The following CAMK1D variants were observed in gnomAD, a reference collection of about 807,000 sequenced individuals.
The protein encoded by CAMK1D is calcium/calmodulin-dependent protein kinase type 1D.
CAMK1D carries 9 observed loss-of-function variants against 47.7 expected under a neutral mutation model. The ratio of observed to expected loss-of-function variants is 0.19; its 90% CI spans 0.11 to 0.33. The LOEUF (loss-of-function observed/expected upper bound fraction) is 0.33. CAMK1D is among the 10% of genes least tolerant of loss of function. The pLI is 1.00. For missense variants in CAMK1D, 291 were observed against 488.7 expected (o/e 0.60, Z 3.81); for synonymous variants, 184 against 184.9 (o/e 0.99, Z 0.04).
At chr10:12,671,874 T>A (rs1035637020) in intron 3 of CAMK1D, among the ~76,000 whole-genome samples, 5 of 151,656 alleles carry the variant, frequency 3.3e-5, no homozygotes, top group African/African-American at 1.2e-4. Flanking sequence ...TTGTTGCTTA[T>A]GTTTTTGGTG....
intron 1 of CAMK1D, among the ~76,000 whole-genome samples, chr10:12,546,160 G>A (rs1162049073): frequency 6.6e-6 from 1 of 152,192 alleles, no homozygotes; most frequent in Admixed American, 6.5e-5. Context: ...CTTATTTCCA[G>A]AAGAGTAATT....
At chr10:12,439,087 G>A (rs573259956) in intron 1 of CAMK1D, among the ~76,000 whole-genome samples, 16 of 152,310 alleles carry the variant, frequency 1.1e-4, no homozygotes, top group African/African-American at 3.8e-4. Context: ...GGGTAGGACA[G>A]ACATCAGGCA....
chr10:12,502,250 G>T (rs79423964), intron 1 of CAMK1D, among the ~76,000 whole-genome samples: 1 of 152,284 alleles, frequency 6.6e-6, no homozygotes, highest in East Asian at 1.9e-4. Context: ...GGTATTCAAT[G>T]GTGCTGGGCA....
At chr10:12,600,817 A>G (rs1390946254) in intron 2 of CAMK1D, among the ~76,000 whole-genome samples, 1 of 152,150 alleles carries the variant, frequency 6.6e-6, no homozygotes, top group Non-Finnish European at 1.5e-5. Flanking sequence ...GTGTTACTCC[A>G]TTCTGTATGT....
At chr10:12,597,983 A>G (rs1005410401) in intron 2 of CAMK1D, among the ~76,000 whole-genome samples, 10 of 151,754 alleles carry the variant, frequency 6.6e-5, no homozygotes, top group African/African-American at 2.4e-4. Context: ...TAAGGAAAAA[A>G]CAACATGCAC....
intron 1 of CAMK1D, among the ~76,000 whole-genome samples, chr10:12,539,151 A>G (rs553464569): frequency 1.3e-5 from 2 of 152,172 alleles, no homozygotes; most frequent in African/African-American, 2.4e-5. Flanking sequence ...TGCTATTTCA[A>G]ACTTTTATTG....
intron 3 of CAMK1D, among the ~76,000 whole-genome samples, chr10:12,743,631 C>T (rs1467371613): frequency 6.6e-6 from 1 of 152,178 alleles, no homozygotes; most frequent in Non-Finnish European, 1.5e-5. Context: ...ACATTCCTAC[C>T]ACCCCCAAAA....
intron 2 of CAMK1D, among the ~76,000 whole-genome samples, chr10:12,642,680 C>CT (rs922760666): frequency 2.0e-4 from 30 of 151,998 alleles, no homozygotes; most frequent in African/African-American, 5.6e-4. Flanking sequence ...ATACTGATTT[C>CT]TTTTTTTTCA....
intron 3 of CAMK1D, among the ~76,000 whole-genome samples, chr10:12,701,551 C>G (rs937997987): frequency 5.9e-5 from 9 of 152,212 alleles, no homozygotes; most frequent in Admixed American, 3.3e-4. Context: ...TCTTTCAGTT[C>G]GATTTTGTTT....
chr10:12,610,431 C>G (rs926910512), intron 2 of CAMK1D, among the ~76,000 whole-genome samples: 2 of 152,190 alleles, frequency 1.3e-5, no homozygotes, highest in Non-Finnish European at 1.5e-5. Context: ...GTCTCCTCCC[C>G]CTTCTCAGCA....
rs535259142 is a variant in CAMK1D at position 12,416,768 on chromosome 10, C to T, written c.92+66858C>T. 1.5e-4 allele frequency among the ~76,000 whole-genome samples: 23 copies of T among 152,302 alleles called. No homozygotes were observed. The South Asian group carries it at 2.9e-3, about 19-fold the overall frequency. ...CAGCAAGAGTGAAGTTCTGTTTTTC[C>T]GGTGGGTTCTGCCCTTTCCTTATCA... On this transcript the variant is annotated intron_variant, in intron 1 of 10. Coordinates refer to ENST00000619168, the MANE Select transcript of CAMK1D (RefSeq NM_153498.4).
intron 3 of CAMK1D, among the ~76,000 whole-genome samples, chr10:12,672,639 G>A (rs1363011067): frequency 1.3e-5 from 2 of 152,010 alleles, no homozygotes; most frequent in Non-Finnish European, 2.9e-5. Context: ...CCAAGGTGCT[G>A]GGATTACAGA....
At chr10:12,611,919 GC>G (rs1564444267) in intron 2 of CAMK1D, among the ~76,000 whole-genome samples, 1 of 151,948 alleles carries the variant, frequency 6.6e-6, no homozygotes, top group Non-Finnish European at 1.5e-5. Context: ...TTTTCTTTTT[GC>G]CCCAGGTTAT....
At chr10:12,421,827 AT>A (rs368821978) in intron 1 of CAMK1D, among the ~76,000 whole-genome samples, 1 of 104,694 alleles carries the variant, frequency 9.6e-6, no homozygotes, top group Non-Finnish European at 2.1e-5. Flanking sequence ...TGGGACTCTT[AT>A]TTTTTTGAGA....
intron 1 of CAMK1D, among the ~76,000 whole-genome samples, chr10:12,359,688 T>G (rs1445623211): frequency 1.3e-5 from 2 of 152,150 alleles, no homozygotes; most frequent in Non-Finnish European, 2.9e-5. Flanking sequence ...TTTGGAAAAT[T>G]CCTTGTCTTT....
intron 2 of CAMK1D, among the ~76,000 whole-genome samples, chr10:12,577,955 A>G (rs955935974): frequency 8.5e-5 from 13 of 152,252 alleles, no homozygotes; most frequent in Admixed American, 7.2e-4. Context: ...TTGGTATTCA[A>G]TGCTAACAGT....
At chr10:12,586,851 TC>T (rs1269728126) in intron 2 of CAMK1D, among the ~76,000 whole-genome samples, 1 of 152,212 alleles carries the variant, frequency 6.6e-6, no homozygotes, top group Non-Finnish European at 1.5e-5. Context: ...TCCCTCATGT[TC>T]CCATACTTAT....
At chr10:12,498,173 C>A (rs1219048702) in intron 1 of CAMK1D, among the ~76,000 whole-genome samples, 1 of 152,124 alleles carries the variant, frequency 6.6e-6, no homozygotes, top group Non-Finnish European at 1.5e-5. Flanking sequence ...GGGGACACAG[C>A]CAAACCATAT....
intron 1 of CAMK1D, among the ~76,000 whole-genome samples, chr10:12,425,067 A>G (rs763675853): frequency 4.5e-4 from 69 of 152,056 alleles, no homozygotes; most frequent in Non-Finnish European, 1.2e-4. Context: ...TGCTCCAGCC[A>G]CACTGGACGG....
Sources: allele counts gnomAD v4.1 joint callset (sites outside exome capture counted in the v4.1 genomes callset), GRCh38; gene constraint gnomAD v4.1.1; transcripts MANE v1.5; gene names NCBI Gene and HGNC (gene_info 2026-07-23, HGNC 2026-07-21).